Variants in ANKRD30B observed in about 807,000 individuals in gnomAD.
ANKRD30B encodes ankyrin repeat domain-containing protein 30B.
Under a neutral mutation model 202.2 loss-of-function variants are expected in ANKRD30B, and 144 were observed. The ratio of observed to expected loss-of-function variants is 0.71; its 90% CI spans 0.62 to 0.82. The LOEUF is 0.82. Among genes scored for constraint, ANKRD30B ranks in the 40% least tolerant of loss-of-function variants. The pLI is 0.00. For synonymous variants in ANKRD30B, 508 were observed against 561.3 expected (o/e 0.91, Z 1.34); for missense variants, 1,487 against 1,669.1 (o/e 0.89, Z 1.90).
the ANKRD30B span, among the ~76,000 whole-genome samples, chr18:14,880,727 G>T: frequency 6.6e-6 from 1 of 152,020 alleles, no homozygotes; most frequent in South Asian, 2.1e-4. Flanking sequence ...CACCGTGCTT[G>T]GCTCCCTCTA....
At chr18:14,769,248 A>T in intron 7 of ANKRD30B, 95 bp from the exon 8 acceptor site, 1 of 941,424 alleles carries the variant, frequency 1.1e-6, no homozygotes, top group Non-Finnish European at 1.6e-6. Context: ...CTGGGATTAC[A>T]GGCATTTGCC....
the ANKRD30B span, among the ~76,000 whole-genome samples, chr18:14,871,562 CA>C: frequency 6.6e-6 from 1 of 151,562 alleles, no homozygotes; most frequent in African/African-American, 2.4e-5. Context: ...CATTGGTCCT[CA>C]GGGGCAGATG....
intron 10 of ANKRD30B, among the ~76,000 whole-genome samples, 159 bp downstream of exon 10, chr18:14,778,234 C>G (rs900084502): frequency 6.6e-6 from 1 of 151,956 alleles, no homozygotes; most frequent in African/African-American, 2.4e-5. Flanking sequence ...GTGTTGACAA[C>G]AGATTATATT....
At chr18:14,902,458 A>T in the ANKRD30B span, among the ~76,000 whole-genome samples, 4 of 152,088 alleles carry the variant, frequency 2.6e-5, no homozygotes, top group Non-Finnish European at 5.9e-5. Context: ...AATTCCTTAT[A>T]AAAAAAAGTT....
chr18:14,880,826 TTTTG>T, the ANKRD30B span, among the ~76,000 whole-genome samples: 21 of 151,362 alleles, frequency 1.4e-4, no homozygotes, highest in African/African-American at 5.1e-4. Context: ...GTTGTTTTAT[TTTTG>T]TTTGTTTTTT....
intron 17 of ANKRD30B, 21 bp downstream of exon 17, chr18:14,796,270 A>C: frequency 6.2e-7 from 1 of 1,609,190 alleles, no homozygotes; most frequent in Non-Finnish European, 8.5e-7. Flanking sequence ...TTATATTGCT[A>C]TCTTGAATAC....
At chr18:14,837,168 AGT>A in intron 34 of ANKRD30B, 41 bp from the exon 35 acceptor site, 1 of 1,283,244 alleles carries the variant, frequency 7.8e-7, no homozygotes, top group East Asian at 2.6e-5. Flanking sequence ...TTTTTTCTGA[AGT>A]TTTTTTTTTG....
At chr18:14,760,701 A>G (rs757803502) in intron 6 of ANKRD30B, 83 bp downstream of exon 6, 4 of 961,826 alleles carry the variant, frequency 4.2e-6, no homozygotes, top group Non-Finnish European at 6.3e-6. Context: ...CAATTCAAAA[A>G]GCAATGTGCA....
chr18:14,846,489 C>T (rs1971643651), intron 39 of ANKRD30B, among the ~76,000 whole-genome samples: 1 of 151,524 alleles, frequency 6.6e-6, no homozygotes, highest in Non-Finnish European at 1.5e-5. Flanking sequence ...TGATTTTCTG[C>T]CTCCTTATTC....
chr18:14,883,153 G>A, the ANKRD30B span, among the ~76,000 whole-genome samples: 67 of 151,988 alleles, frequency 4.4e-4, no homozygotes, highest in Non-Finnish European at 9.6e-4. Context: ...GAAGAAGCAG[G>A]CATAGTTTCT....
intron 43 of ANKRD30B, among the ~76,000 whole-genome samples, 28 bp downstream of exon 43, chr18:14,853,971 G>C (rs9675827): frequency 0.015 from 2,219 of 152,226 alleles, 57 homozygotes; most frequent in African/African-American, 0.051. Context: ...ATGAGGAAAT[G>C]ATTTCAAATC....
chr18:14,879,541 C>T, the ANKRD30B span, among the ~76,000 whole-genome samples: 12 of 152,048 alleles, frequency 7.9e-5, no homozygotes, highest in Non-Finnish European at 1.8e-4. Flanking sequence ...AGTAACGAAC[C>T]TAGGGTTAAG....
At chr18:14,848,496 G>A (rs1337581450) in intron 39 of ANKRD30B, among the ~76,000 whole-genome samples, 3 of 151,636 alleles carry the variant, frequency 2.0e-5, no homozygotes, top group African/African-American at 7.3e-5. Context: ...ATTTATAATT[G>A]TAACTTTTCT....
At chr18:14,868,818 T>TA in the ANKRD30B span, among the ~76,000 whole-genome samples, 2 of 152,296 alleles carry the variant, frequency 1.3e-5, no homozygotes, top group Non-Finnish European at 2.9e-5. Flanking sequence ...CTGATTGCTG[T>TA]AGCAGATTCT....
the ANKRD30B span, among the ~76,000 whole-genome samples, chr18:14,878,190 C>T: frequency 6.6e-6 from 1 of 152,118 alleles, no homozygotes; most frequent in Non-Finnish European, 1.5e-5. Context: ...AAAATGCACT[C>T]AGTGGATACT....
the ANKRD30B span, among the ~76,000 whole-genome samples, chr18:14,893,403 G>A: frequency 6.6e-6 from 1 of 152,156 alleles, no homozygotes; most frequent in African/African-American, 2.4e-5. Flanking sequence ...CTGAGGTCAG[G>A]AGTTCAAGAC....
At chr18:14,782,148 A>T (rs1203534596) in intron 11 of ANKRD30B, among the ~76,000 whole-genome samples, 2 of 152,182 alleles carry the variant, frequency 1.3e-5, no homozygotes, top group East Asian at 3.8e-4. Flanking sequence ...GAACTCCAAC[A>T]TGCGTTATGG....
chr18:14,758,643 T>TA (rs1432325179), intron 5 of ANKRD30B, among the ~76,000 whole-genome samples: 3 of 152,162 alleles, frequency 2.0e-5, no homozygotes, highest in African/African-American at 7.2e-5. Flanking sequence ...GCCACACACA[T>TA]AGTGAGCAAA....
At chr18:14,889,208 C>T in the ANKRD30B span, among the ~76,000 whole-genome samples, 1 of 151,714 alleles carries the variant, frequency 6.6e-6, no homozygotes, top group African/African-American at 2.4e-5. Context: ...AAGTAACAGG[C>T]CTCATATTAC....
Sources: allele counts gnomAD v4.1 joint callset (sites outside exome capture counted in the v4.1 genomes callset), GRCh38; gene constraint gnomAD v4.1.1; transcripts MANE v1.5; gene names NCBI Gene and HGNC (gene_info 2026-07-23, HGNC 2026-07-21).